The following SLC43A2 variants were observed in gnomAD, a reference collection of about 807,000 sequenced individuals.
The protein encoded by SLC43A2 is large neutral amino acids transporter small subunit 4.
SLC43A2 carries 38 observed loss-of-function variants against 63.2 expected under a neutral mutation model. The ratio of observed to expected loss-of-function variants is 0.60; its 90% CI spans 0.46 to 0.79. The LOEUF (loss-of-function observed/expected upper bound fraction) is 0.79, where lower values mean the gene tolerates loss of function less well. SLC43A2 is among the 30% of genes least tolerant of loss of function. The pLI is 0.00. For missense variants in SLC43A2, 644 were observed against 756.2 expected (o/e 0.85, Z 1.74); for synonymous variants, 322 against 331.0 (o/e 0.97, Z 0.30).
At chr17:1,587,729 T>G (rs1343188846) in intron 9 of SLC43A2, among the ~76,000 whole-genome samples, 1 of 152,008 alleles carries the variant, frequency 6.6e-6, no homozygotes, top group Non-Finnish European at 1.5e-5. Flanking sequence ...AATGATGACG[T>G]AAACAGATGA....
chr17:1,616,444 C>G (rs1377537079), intron 3 of SLC43A2, 118 bp downstream of exon 3: 1 of 1,016,394 alleles, frequency 9.8e-7, no homozygotes. Flanking sequence ...TCTGGAGGGC[C>G]TTCAGGGAGC....
rs1329652235 is a variant in SLC43A2 at position 1,627,897 on chromosome 17, G to A, written c.-23C>T. On this transcript the variant is annotated 5_prime_UTR_variant, in exon 2 of 14. Transcript: ENST00000301335. ...CATGGTGCGGCGCGGCGCGGCTCCGGCTCCGGCTCCGGCTCTGCACCACCT... is the reference window on the plus strand; with the variant it reads ...CATGGTGCGGCGCGGCGCGGCTCCGACTCCGGCTCCGGCTCTGCACCACCT... The A allele has an allele frequency of 1.3e-6, 2 of 1,532,680 alleles. No homozygotes were observed. The highest frequency in any genetic ancestry group is 4.1e-5 in the Admixed American group (2 of 49,142). The allele number at this position is 1,532,680 out of a possible 1,614,324, so 94.9% of individuals were successfully genotyped here.
At chr17:1,585,431 A>G (rs563864288) in intron 10 of SLC43A2, 1 of 323,218 alleles carries the variant, frequency 3.1e-6, no homozygotes, top group African/African-American at 2.2e-5. Flanking sequence ...TTTTTAGTAG[A>G]GACCGGGTTT....
At chr17:1,591,106 GA>G (rs1904727972) in intron 8 of SLC43A2, among the ~76,000 whole-genome samples, 158 bp from the exon 9 acceptor site, 1 of 152,122 alleles carries the variant, frequency 6.6e-6, no homozygotes. Context: ...CCTCTTGGGT[GA>G]AATCAGGCAA....
At chr17:1,590,484 CGTTCT>C (rs1567620187) in intron 9 of SLC43A2, among the ~76,000 whole-genome samples, 1 of 152,072 alleles carries the variant, frequency 6.6e-6, no homozygotes, top group African/African-American at 2.4e-5. Context: ...TCAGGTGGAG[CGTTCT>C]GTTCTGTTTT....
intron 3 of SLC43A2, among the ~76,000 whole-genome samples, chr17:1,616,043 GAAA>G (rs77735350): frequency 2.9e-5 from 2 of 70,108 alleles, no homozygotes; most frequent in Non-Finnish European, 5.8e-5. Context: ...ACTCCGTCTT[GAAA>G]AAAAAAAAAA....
In SLC43A2 at chr17:1,609,408, G is replaced by A. The variant is rs544099775; in HGVS notation, c.501+3787C>T. Reference sequence around the variant, plus strand: ...GTAGAGACGGGGTTTCACCATACTGGTCAGGCTGGTCTCGAACTCCTGACC... The same window carrying A: ...GTAGAGACGGGGTTTCACCATACTGATCAGGCTGGTCTCGAACTCCTGACC... On this transcript the variant is annotated intron_variant, in intron 5 of 13. Coordinates refer to ENST00000301335, the MANE Select transcript of SLC43A2 (RefSeq NM_152346.3). Among the ~76,000 whole-genome samples, 123 of 152,176 alleles carry A rather than the reference G, an allele frequency of 8.1e-4. 1 individual carries two copies. Among genetic ancestry groups the A allele is most frequent in the Non-Finnish European group, 1.1e-3 (78 of 68,020 alleles).
chr17:1,617,552 G>A lies in SLC43A2; in HGVS notation c.161-783C>T, dbSNP rs557352103. On this transcript the variant is annotated intron_variant, in intron 2 of 13. Transcript: ENST00000301335. ...ATTACAGGCACCTGCCACCGCGCCCGGCTAGTGTTTGTATTTTTAGTAAAG... is the reference window on the plus strand; with the variant it reads ...ATTACAGGCACCTGCCACCGCGCCCAGCTAGTGTTTGTATTTTTAGTAAAG... 3.3e-4 allele frequency among the ~76,000 whole-genome samples: 50 copies of A among 152,160 alleles called. 1 individual carries two copies. The highest frequency in any genetic ancestry group is 1.0e-3 in the African/African-American group (43 of 41,532).
intron 2 of SLC43A2, among the ~76,000 whole-genome samples, chr17:1,620,654 G>T (rs754301611): frequency 2.6e-4 from 39 of 151,878 alleles, no homozygotes; most frequent in African/African-American, 9.4e-4. Context: ...GGAGGTGAGC[G>T]GCTTCTCCTT....
intron 2 of SLC43A2, among the ~76,000 whole-genome samples, chr17:1,619,194 C>G (rs1009531391): frequency 1.3e-5 from 2 of 151,094 alleles, no homozygotes; most frequent in African/African-American, 4.9e-5. Flanking sequence ...CACAGCTACT[C>G]GGGAGGCTGA....
chr17:1,618,764 C>T (rs192147244), intron 2 of SLC43A2, among the ~76,000 whole-genome samples: 1 of 152,196 alleles, frequency 6.6e-6, no homozygotes, highest in Non-Finnish European at 1.5e-5. Flanking sequence ...GCGGGTGGAT[C>T]GCCCGAGGTC....
chr17:1,572,169 C>T lies in SLC43A2; in HGVS notation c.*3435G>A, dbSNP rs1031272882. ...ATGATTCCATGCAGTAGCTCTCTCC[C>T]CCTCTTCTGAGAAGGCTCTTGGCTC... On this transcript the variant is annotated 3_prime_UTR_variant, in exon 14 of 14. Transcript: ENST00000301335. 6.6e-6 allele frequency: 1 copy of T among 152,488 alleles called. No homozygotes were observed. The highest frequency in any genetic ancestry group is 1.5e-5 in the Non-Finnish European group (1 of 68,292). The allele number at this position is 152,488 out of a possible 1,614,324, so 9.4% of individuals were successfully genotyped here.
chr17:1,610,055 G>A (rs569845309), intron 5 of SLC43A2, among the ~76,000 whole-genome samples: 2 of 152,086 alleles, frequency 1.3e-5, no homozygotes, highest in South Asian at 2.1e-4. Flanking sequence ...GATTACAGGC[G>A]TGTGCCACCA....
intron 5 of SLC43A2, among the ~76,000 whole-genome samples, chr17:1,600,876 A>G (rs1905939176): frequency 6.8e-6 from 1 of 147,268 alleles, no homozygotes; most frequent in African/African-American, 2.5e-5. Context: ...TTTTTTCCAC[A>G]CTGTTCCTCT....
chr17:1,582,516 C>T (rs1360433318), intron 11 of SLC43A2, among the ~76,000 whole-genome samples: 2 of 152,160 alleles, frequency 1.3e-5, no homozygotes, highest in Admixed American at 6.5e-5. Context: ...TCTCTTTGGA[C>T]GTCAGATTCC....
chr17:1,605,105 C>T lies in SLC43A2; in HGVS notation c.501+8090G>A, dbSNP rs1481611200. Reference sequence around the variant, plus strand: ...ACAGGTGGGAGTGCAAGCCCCTCTTCCCGCCCTCAGGTGCTTCCCACAGCC... The same window carrying T: ...ACAGGTGGGAGTGCAAGCCCCTCTTTCCGCCCTCAGGTGCTTCCCACAGCC... On this transcript the variant is annotated intron_variant, in intron 5 of 13. Coordinates refer to ENST00000301335, the MANE Select transcript of SLC43A2 (RefSeq NM_152346.3). The surrounding 1 kb of genome is among the most constrained non-coding windows in gnomAD (Gnocchi z 4.9). The T allele has an allele frequency of 1.9e-4, 256 of 1,343,470 alleles. No homozygotes were observed. Among genetic ancestry groups the T allele is most frequent in the Non-Finnish European group, 2.3e-4 (244 of 1,043,884 alleles). The allele number at this position is 1,343,470 out of a possible 1,614,324, so 83.2% of individuals were successfully genotyped here.
At chr17:1,617,183 C>A (rs561215776) in intron 2 of SLC43A2, among the ~76,000 whole-genome samples, 2 of 152,156 alleles carry the variant, frequency 1.3e-5, no homozygotes, top group Middle Eastern at 3.4e-3. Context: ...CTGGTGAGAA[C>A]CTTCTCACGG....
chr17:1,585,785 C>G (rs775716280), intron 10 of SLC43A2, 128 bp downstream of exon 10: 1 of 1,598,986 alleles, frequency 6.3e-7, no homozygotes, highest in Non-Finnish European at 8.5e-7. Context: ...TCTCTAAGGG[C>G]TCCGGGAGCA....
At chr17:1,598,695 G>C (rs1905568621) in intron 5 of SLC43A2, among the ~76,000 whole-genome samples, 1 of 152,192 alleles carries the variant, frequency 6.6e-6, no homozygotes, top group Admixed American at 6.5e-5. Context: ...GACCAACAGA[G>C]CCACAGGGCC....
Sources: allele counts gnomAD v4.1 joint callset (sites outside exome capture counted in the v4.1 genomes callset), GRCh38; gene constraint gnomAD v4.1.1; non-coding constraint Gnocchi (gnomAD v3.1); transcripts MANE v1.5; gene names NCBI Gene and HGNC (gene_info 2026-07-23, HGNC 2026-07-21).